The following ARHGAP35 variants were observed in gnomAD, a reference collection of about 807,000 sequenced individuals.
ARHGAP35 encodes the protein Rho GTPase activating protein 35.
In ARHGAP35, 15 loss-of-function variants were observed where a neutral mutation model predicts 111.1. The ratio of observed to expected loss-of-function variants is 0.13; its 90% CI spans 0.09 to 0.21. The LOEUF (loss-of-function observed/expected upper bound fraction) is 0.21, where lower values mean the gene tolerates loss of function less well. Among genes scored for constraint, ARHGAP35 ranks in the 10% least tolerant of loss-of-function variants. ARHGAP35 has a pLI of 1.00. For synonymous variants in ARHGAP35, 643 were observed against 710.3 expected, an observed-to-expected ratio of 0.91 and a Z score of 1.51; for missense variants, 1,262 against 1,873.0, an observed-to-expected ratio of 0.67 and a Z score of 6.02.
intron 3 of ARHGAP35, chr19:46,948,366 T>C (rs146543973): frequency 6.6e-6 from 1 of 152,374 alleles, no homozygotes; most frequent in African/African-American, 2.4e-5. Context: ...TCTGACACAT[T>C]ATCTTACATG....
At chr19:46,959,219 C>T (rs2122265168) in intron 3 of ARHGAP35, among the ~76,000 whole-genome samples, 1 of 152,082 alleles carries the variant, frequency 6.6e-6, no homozygotes, top group Middle Eastern at 3.4e-3. Flanking sequence ...CATGCACCAC[C>T]ACACCTGGCT....
intron 1 of ARHGAP35, among the ~76,000 whole-genome samples, chr19:46,866,620 G>A (rs2055859057): frequency 6.6e-6 from 1 of 152,126 alleles, no homozygotes; most frequent in Non-Finnish European, 1.5e-5. Context: ...CTAAGCTCCT[G>A]TTGCTACTCT....
chr19:46,868,885 T>G (rs972883111), intron 1 of ARHGAP35, among the ~76,000 whole-genome samples: 2 of 143,214 alleles, frequency 1.4e-5, no homozygotes, highest in African/African-American at 2.6e-5. Flanking sequence ...TAGGTGGAGC[T>G]CACCGTGATT....
At chr19:46,971,456 T>A (rs1438364939) in intron 3 of ARHGAP35, among the ~76,000 whole-genome samples, 1 of 151,826 alleles carries the variant, frequency 6.6e-6, no homozygotes, top group African/African-American at 2.4e-5. Flanking sequence ...CAGGGTGTAA[T>A]GACTCCCTTG....
intron 1 of ARHGAP35, among the ~76,000 whole-genome samples, chr19:46,862,729 C>T (rs900629258): frequency 6.6e-6 from 1 of 152,154 alleles, no homozygotes; most frequent in African/African-American, 2.4e-5. Context: ...TCCTTTAACA[C>T]TGGGGTTCTT....
At position 46,861,122 on chromosome 19, in the gene ARHGAP35, G is replaced by T. The variant is rs1025434809; in HGVS notation, c.-276G>T. ...GCCGCCGCCGCCTCAGCCGCCGCTG[G>T]ACTAGGAGCAGGGGAACATGGCGCC... On this transcript the variant is annotated 5_prime_UTR_variant, in exon 1 of 7. Coordinates refer to ENST00000672722, the MANE Select transcript of ARHGAP35 (RefSeq NM_004491.5). Among the ~76,000 whole-genome samples the T allele has an allele frequency of 4.0e-5, 6 of 151,194 alleles. No individual in the cohort carries two copies. Among genetic ancestry groups the T allele is most frequent in the African/African-American group, 9.7e-5 (4 of 41,206 alleles).
intron 1 of ARHGAP35, among the ~76,000 whole-genome samples, chr19:46,917,792 C>T (rs922935236): frequency 7.2e-5 from 11 of 152,098 alleles, no homozygotes; most frequent in Non-Finnish European, 1.3e-4. Context: ...CAGCTCACCA[C>T]AACCACTGCC....
rs190265747 is a variant in ARHGAP35, at chr19:46,873,799, C to T, written c.-189+12590C>T. Among the ~76,000 whole-genome samples, 381 of 149,552 alleles carry T rather than the reference C, an allele frequency of 2.5e-3. 3 individuals are homozygous for T. Among genetic ancestry groups the T allele is most frequent in the African/African-American group, 8.9e-3 (368 of 41,184 alleles). ...GTTTTGCCCTTGTTGCCCAGGCTGG[C>T]GTGCAGTGGCACGATCTCGGCTCAC... is the stretch of plus-strand genomic sequence containing the variant. On this transcript the variant is annotated intron_variant, in intron 1 of 6. Coordinates refer to ENST00000672722, the MANE Select transcript of ARHGAP35 (RefSeq NM_004491.5).
chr19:46,967,799 C>G (rs1251012092), intron 3 of ARHGAP35, among the ~76,000 whole-genome samples: 1 of 152,220 alleles, frequency 6.6e-6, no homozygotes, highest in African/African-American at 2.4e-5. Flanking sequence ...ATTTCTCACC[C>G]GCACTGCCTT....
intron 1 of ARHGAP35, among the ~76,000 whole-genome samples, chr19:46,871,717 G>C (rs774909832): frequency 6.6e-6 from 1 of 151,478 alleles, no homozygotes; most frequent in African/African-American, 2.4e-5. Flanking sequence ...AGTGGCTCAT[G>C]CCTGTAATCC....
intron 1 of ARHGAP35, among the ~76,000 whole-genome samples, chr19:46,891,332 G>A (rs545811095): frequency 7.2e-5 from 11 of 152,186 alleles, no homozygotes; most frequent in African/African-American, 2.4e-4. Context: ...TTCTACTTAT[G>A]TGAATGGGGG....
intron 3 of ARHGAP35, among the ~76,000 whole-genome samples, chr19:46,975,982 A>G (rs192485539): frequency 6.6e-6 from 1 of 152,332 alleles, no homozygotes; most frequent in Non-Finnish European, 1.5e-5. Flanking sequence ...TAACAGTTTA[A>G]TAGGTACGGT....
chr19:46,928,242 C>T (rs2056249929), intron 2 of ARHGAP35, among the ~76,000 whole-genome samples: 2 of 152,096 alleles, frequency 1.3e-5, no homozygotes, highest in African/African-American at 4.8e-5. Flanking sequence ...AAAAAAATTA[C>T]GATAGGCAAC....
chr19:46,890,379 T>A (rs1306868493), intron 1 of ARHGAP35, among the ~76,000 whole-genome samples: 1 of 152,252 alleles, frequency 6.6e-6, no homozygotes, highest in Non-Finnish European at 1.5e-5. Context: ...GTGCAAGTAT[T>A]CATTCATTTG....
intron 3 of ARHGAP35, among the ~76,000 whole-genome samples, chr19:46,937,787 A>G (rs2056318107): frequency 6.6e-6 from 1 of 152,224 alleles, no homozygotes; most frequent in Admixed American, 6.5e-5. Context: ...TTGTGTCCTC[A>G]GTACTATAGT....
chr19:46,911,759 C>T (rs998797985), intron 1 of ARHGAP35, among the ~76,000 whole-genome samples: 1 of 152,018 alleles, frequency 6.6e-6, no homozygotes, highest in Non-Finnish European at 1.5e-5. Flanking sequence ...GATTATAATC[C>T]CCTTTTACAC....
rs184519472 is a variant in ARHGAP35, at chr19:46,884,553, C to T, written c.-189+23344C>T. ...ATAGGGTCTCTTGTCCAGACTGGAG[C>T]GCAGTGGCATGCTCACAGCTCACTG... On this transcript the variant is annotated intron_variant, in intron 1 of 6. Transcript: ENST00000672722. Among the ~76,000 whole-genome samples the T allele has an allele frequency of 1.0e-3, 144 of 138,918 alleles. 6 individuals carry two copies. Among genetic ancestry groups the T allele is most frequent in the Admixed American group, 0.01 (129 of 12,668 alleles). The allele number at this position is 138,918 out of a possible 152,430, so 91.1% of individuals were successfully genotyped here.
chr19:46,964,670 G>C (rs1472368297), intron 3 of ARHGAP35, among the ~76,000 whole-genome samples: 3 of 152,226 alleles, frequency 2.0e-5, no homozygotes, highest in Admixed American at 2.0e-4. Flanking sequence ...CTGAATGTGG[G>C]ATAATATTTG....
chr19:46,924,977 C>T (rs1342524875), intron 2 of ARHGAP35, among the ~76,000 whole-genome samples: 5 of 152,194 alleles, frequency 3.3e-5, no homozygotes, highest in Non-Finnish European at 7.3e-5. Context: ...CACAGTGTGC[C>T]TCTAAGATAG....
Sources: allele counts gnomAD v4.1 joint callset (sites outside exome capture counted in the v4.1 genomes callset), GRCh38; gene constraint gnomAD v4.1.1; transcripts MANE v1.5; gene names NCBI Gene and HGNC (gene_info 2026-07-23, HGNC 2026-07-21).